MTSS1: variants seen among roughly 807,000 people sequenced by gnomAD.
MTSS1 encodes the protein MTSS I-BAR domain containing 1.
In MTSS1, 18 loss-of-function variants were observed where a neutral mutation model predicts 79.0. The ratio of observed to expected loss-of-function variants is 0.23; its 90% CI spans 0.16 to 0.34. The LOEUF (loss-of-function observed/expected upper bound fraction) is 0.34, where lower values mean the gene tolerates loss of function less well. Ranked by LOEUF, MTSS1 falls within the 10% of genes least tolerant of loss-of-function variation. MTSS1 has a pLI of 1.00. For synonymous variants in MTSS1, 341 were observed against 368.6 expected (o/e 0.93, Z 0.86); for missense variants, 815 against 986.2 (o/e 0.83, Z 2.33).
In MTSS1 at chr8:124,555,950, G is replaced by C. The variant is rs3838713; in HGVS notation, c.1405-46C>G. 9,406 of 1,531,264 alleles carry C rather than the reference G, an allele frequency of 6.1e-3. 382 individuals carry two copies. In the African/African-American group the frequency reaches 0.1, roughly 16 times the overall value. 94.9% of individuals were successfully genotyped at this position (1,531,264 alleles called of 1,614,324 possible). ...ATACACAGGTTGCTTTAGGGGGGGG[G>C]CTCAACAGCACTCCTGTTCTGCCCC... On this transcript the variant is annotated intron_variant, in intron 12 of 13. Transcript: ENST00000518547.
chr8:124,560,232 A>G (rs1824989144), intron 10 of MTSS1, among the ~76,000 whole-genome samples: 1 of 152,232 alleles, frequency 6.6e-6, no homozygotes, highest in African/African-American at 2.4e-5. Context: ...CTTTATCAAC[A>G]AAAAACAGCC....
At chr8:124,567,754 C>T in intron 7 of MTSS1, 1 of 1,524,472 alleles carries the variant, frequency 6.6e-7, no homozygotes, top group Non-Finnish European at 8.8e-7. Flanking sequence ...TAGAACGATC[C>T]ATGGAAAAGT....
chr8:124,602,397 G>A (rs984241319), intron 3 of MTSS1, among the ~76,000 whole-genome samples: 33 of 151,652 alleles, frequency 2.2e-4, no homozygotes, highest in African/African-American at 7.8e-4. Flanking sequence ...ATGGGGTTTC[G>A]CCATGTTGGC....
intron 3 of MTSS1, among the ~76,000 whole-genome samples, chr8:124,634,206 C>T (rs575983881): frequency 5.9e-5 from 9 of 151,642 alleles, no homozygotes; most frequent in East Asian, 1.9e-4. Context: ...ACCTCCTGGG[C>T]GCAAGCAATC....
At chr8:124,648,756 G>A (rs1211821406) in intron 3 of MTSS1, among the ~76,000 whole-genome samples, 4 of 151,284 alleles carry the variant, frequency 2.6e-5, no homozygotes, top group African/African-American at 9.8e-5. Flanking sequence ...AAAGGTAAGT[G>A]AGAAAATGTG....
chr8:124,646,628 A>C (rs1819043257), intron 3 of MTSS1, among the ~76,000 whole-genome samples: 1 of 152,188 alleles, frequency 6.6e-6, no homozygotes, highest in African/African-American at 2.4e-5. Flanking sequence ...AGGGTTTCTC[A>C]AGTGCTTTAA....
chr8:124,659,036 C>A (rs1487145707), intron 3 of MTSS1, among the ~76,000 whole-genome samples: 1 of 152,136 alleles, frequency 6.6e-6, no homozygotes, highest in Non-Finnish European at 1.5e-5. Context: ...TCTGAACAAA[C>A]CCCAGCAATT....
intron 10 of MTSS1, chr8:124,558,864 C>A: frequency 6.6e-7 from 1 of 1,520,812 alleles, no homozygotes; most frequent in Non-Finnish European, 8.8e-7. Flanking sequence ...ACGAGGGGAC[C>A]AACAGAAACC....
At chr8:124,578,443 C>A (rs939996386) in intron 6 of MTSS1, among the ~76,000 whole-genome samples, 54 of 152,048 alleles carry the variant, frequency 3.6e-4, no homozygotes, top group Admixed American at 4.6e-4. Flanking sequence ...ACTACCCTAC[C>A]CCCAGGCTTA....
chr8:124,614,442 A>C (rs1836466737), intron 3 of MTSS1, among the ~76,000 whole-genome samples: 1 of 152,182 alleles, frequency 6.6e-6, no homozygotes, highest in South Asian at 2.1e-4. Context: ...ATGTGGAGAC[A>C]GGGGACACTC....
intron 3 of MTSS1, among the ~76,000 whole-genome samples, chr8:124,660,889 G>A (rs1292319599): frequency 6.6e-6 from 1 of 152,088 alleles, no homozygotes; most frequent in Non-Finnish European, 1.5e-5. Context: ...AAGGATGAGG[G>A]ACTTGTGCCC....
intron 2 of MTSS1, 94 bp from the exon 3 acceptor site, chr8:124,699,693 T>A: frequency 1.8e-6 from 2 of 1,123,726 alleles, no homozygotes; most frequent in African/African-American, 1.5e-5. Context: ...AAGGAGTACA[T>A]GTAACCTTCC....
At chr8:124,665,639 G>A (rs983570732) in intron 3 of MTSS1, among the ~76,000 whole-genome samples, 14 of 151,962 alleles carry the variant, frequency 9.2e-5, no homozygotes, top group African/African-American at 1.7e-4. Context: ...AGGCCGAGGC[G>A]GGTGGATCAC....
chr8:124,583,358 C>T (rs904410903), intron 6 of MTSS1, among the ~76,000 whole-genome samples: 2 of 152,192 alleles, frequency 1.3e-5, no homozygotes, highest in Admixed American at 6.5e-5. Context: ...CCTATCCAGC[C>T]TTGATAGGGA....
rs1822992419 is a variant in MTSS1 at position 124,553,770 on chromosome 8, G to C, written c.1568-78C>G. The C allele has an allele frequency of 7.9e-7, 1 of 1,267,744 alleles. No homozygotes were observed. The highest frequency in any genetic ancestry group is 1.5e-5 in the African/African-American group (1 of 67,488). 78.5% of individuals were successfully genotyped at this position (1,267,744 alleles called of 1,614,324 possible). On this transcript the variant is annotated intron_variant, in intron 13 of 13. Coordinates refer to ENST00000518547, the MANE Select transcript of MTSS1 (RefSeq NM_014751.6). The surrounding 1 kb of genome is among the most constrained non-coding windows in gnomAD (Gnocchi z 6.0). The stretch of plus-strand genomic sequence containing the variant: ...ATTCTTCTGGGCTGGGAGGACAAAA[G>C]GCACGCAAGGCAGGGTACACACACA...
intron 12 of MTSS1, 80 bp downstream of exon 12, chr8:124,556,152 G>A (rs565115426): frequency 1.8e-5 from 28 of 1,599,736 alleles, no homozygotes; most frequent in Admixed American, 1.0e-4. Flanking sequence ...GGCTGCCTTG[G>A]CCCCCCAGTT....
chr8:124,721,012 G>A (rs1392627051), intron 1 of MTSS1, among the ~76,000 whole-genome samples: 1 of 152,144 alleles, frequency 6.6e-6, no homozygotes, highest in African/African-American at 2.4e-5. Flanking sequence ...GTCAACTCTA[G>A]CTCCAGAATT....
intron 3 of MTSS1, among the ~76,000 whole-genome samples, chr8:124,667,271 C>T (rs1010963662): frequency 1.3e-5 from 2 of 151,960 alleles, no homozygotes; most frequent in African/African-American, 2.4e-5. Context: ...TGTGAAAGCG[C>T]GACATGTTTC....
At chr8:124,605,584 C>G (rs1834665636) in intron 3 of MTSS1, among the ~76,000 whole-genome samples, 1 of 144,292 alleles carries the variant, frequency 6.9e-6, no homozygotes, top group Non-Finnish European at 1.5e-5. Context: ...CCCTCCCTGC[C>G]CTCTCGCTGC....
Sources: gnomAD v4.1 joint callset for allele counts (sites outside exome capture counted in the v4.1 genomes callset) on GRCh38, gnomAD v4.1.1 for gene constraint, Gnocchi (gnomAD v3.1) non-coding constraint, MANE v1.5 for transcripts, NCBI Gene and HGNC (gene_info 2026-07-23, HGNC 2026-07-21) for gene names.